The following CHST9 variants were observed in gnomAD, a reference collection of about 807,000 sequenced individuals.
The protein encoded by CHST9 is carbohydrate sulfotransferase 9.
A neutral mutation model predicts 44.4 loss-of-function variants in CHST9; 41 were observed. That is an observed-to-expected ratio of 0.92 (90% CI 0.72 to 1.20). CHST9 has a LOEUF of 1.20. Ranked by LOEUF, CHST9 falls within the 50% of genes most tolerant of loss-of-function variation. CHST9 has a pLI of 0.00. For synonymous variants in CHST9, 171 were observed against 178.4 expected (o/e 0.96, Z 0.33); for missense variants, 504 against 516.5 (o/e 0.98, Z 0.23).
intron 2 of CHST9, among the ~76,000 whole-genome samples, chr18:27,117,075 T>C (rs936614197): frequency 2.0e-5 from 3 of 151,894 alleles, no homozygotes; most frequent in African/African-American, 7.2e-5. Context: ...ATACGTTTCA[T>C]ATGAAATTTT....
intron 5 of CHST9, chr18:26,924,754 T>C (rs1160422435): frequency 1.3e-5 from 2 of 154,260 alleles, no homozygotes; most frequent in Non-Finnish European, 2.9e-5. Flanking sequence ...TAAATCTTGA[T>C]TCCAGGGCTT....
intron 4 of CHST9, among the ~76,000 whole-genome samples, chr18:27,010,802 G>A (rs1367368788): frequency 6.6e-6 from 1 of 152,156 alleles, no homozygotes; most frequent in Admixed American, 6.5e-5. Flanking sequence ...TCCTGATCGG[G>A]ACTGTTTCTA....
At chr18:26,979,724 C>T (rs921113644) in intron 4 of CHST9, among the ~76,000 whole-genome samples, 1 of 152,140 alleles carries the variant, frequency 6.6e-6, no homozygotes, top group Non-Finnish European at 1.5e-5. Flanking sequence ...CAGATCAGTG[C>T]TTGGCATAAA....
intron 5 of CHST9, among the ~76,000 whole-genome samples, chr18:26,939,776 G>A (rs1007343022): frequency 3.9e-5 from 6 of 152,128 alleles, no homozygotes; most frequent in African/African-American, 1.4e-4. Context: ...GGGGACTCGT[G>A]GGCAGGGCCT....
chr18:27,137,844 G>C (rs1012972019), intron 2 of CHST9, among the ~76,000 whole-genome samples: 5 of 152,100 alleles, frequency 3.3e-5, no homozygotes, highest in Admixed American at 6.5e-5. Flanking sequence ...ATTCTAACTA[G>C]ACAAATAGTG....
chr18:27,092,000 G>A (rs2058073718), intron 2 of CHST9, among the ~76,000 whole-genome samples: 1 of 152,104 alleles, frequency 6.6e-6, no homozygotes, highest in Admixed American at 6.5e-5. Context: ...TCTATTGATT[G>A]GAATAGTTTC....
At chr18:27,031,484 G>A (rs1158379256) in intron 3 of CHST9, among the ~76,000 whole-genome samples, 1 of 152,208 alleles carries the variant, frequency 6.6e-6, no homozygotes, top group East Asian at 1.9e-4. Flanking sequence ...CAGCGCTGCA[G>A]CATTCTGGCC....
In CHST9 at chr18:26,912,231, C is replaced by T. The variant is rs1209227443; in HGVS notation, c.*4028G>A. On this transcript the variant is annotated 3_prime_UTR_variant, in exon 6 of 6. Transcript: ENST00000618847. ...AGGGACTATTTTTTCTTCTTAAAAA[C>T]ATTGTTTCCATGATTAACTAAGGAT... 1 of 152,086 alleles carries T rather than the reference C, an allele frequency of 6.6e-6. No homozygotes were observed. Among genetic ancestry groups the T allele is most frequent in the South Asian group, 2.1e-4 (1 of 4,822 alleles). 9.4% of individuals were successfully genotyped at this position (152,086 alleles called of 1,614,324 possible).
At chr18:26,993,418 T>G (rs1319169110) in intron 4 of CHST9, among the ~76,000 whole-genome samples, 1 of 152,238 alleles carries the variant, frequency 6.6e-6, no homozygotes, top group Non-Finnish European at 1.5e-5. Flanking sequence ...TAAACTAATG[T>G]TGATGACTGT....
chr18:27,106,553 C>T (rs904750605), intron 2 of CHST9, among the ~76,000 whole-genome samples: 1 of 152,248 alleles, frequency 6.6e-6, no homozygotes, highest in Middle Eastern at 3.4e-3. Flanking sequence ...CTAAAGCTTT[C>T]CCCCTTCTAG....
At chr18:26,974,938 G>A (rs894490797) in intron 4 of CHST9, among the ~76,000 whole-genome samples, 1 of 152,196 alleles carries the variant, frequency 6.6e-6, no homozygotes, top group African/African-American at 2.4e-5. Context: ...GACTTCCAAA[G>A]TGTTGGGATT....
chr18:26,940,766 T>C (rs1212071702), intron 5 of CHST9, among the ~76,000 whole-genome samples: 8 of 152,168 alleles, frequency 5.3e-5, no homozygotes, highest in Non-Finnish European at 7.3e-5. Context: ...TATGTTGAAG[T>C]CCTAACTCCT....
intron 1 of CHST9, among the ~76,000 whole-genome samples, chr18:27,144,788 C>G (rs2058598070): frequency 6.6e-6 from 1 of 152,152 alleles, no homozygotes; most frequent in Admixed American, 6.5e-5. Flanking sequence ...AATTCCTCAT[C>G]TCTTAAAGGA....
chr18:27,167,526 CTGA>C (rs1174630675), intron 1 of CHST9, among the ~76,000 whole-genome samples: 3 of 152,202 alleles, frequency 2.0e-5, no homozygotes, highest in Admixed American at 1.3e-4. Context: ...CTAGCATACT[CTGA>C]TGATAACAGC....
chr18:27,084,421 A>C (rs546838933), intron 2 of CHST9, among the ~76,000 whole-genome samples: 1 of 146,838 alleles, frequency 6.8e-6, no homozygotes, highest in Non-Finnish European at 1.5e-5. Flanking sequence ...TAGGTTTTCT[A>C]GTTTGAGCTC....
chr18:27,169,282 C>T (rs2058815103), intron 1 of CHST9, among the ~76,000 whole-genome samples: 1 of 152,224 alleles, frequency 6.6e-6, no homozygotes, highest in Admixed American at 6.5e-5. Context: ...AGGCTGAATA[C>T]ATAAATTTAG....
At chr18:26,963,060 T>C (rs778672513) in intron 4 of CHST9, among the ~76,000 whole-genome samples, 3 of 152,200 alleles carry the variant, frequency 2.0e-5, no homozygotes, top group Non-Finnish European at 4.4e-5. Flanking sequence ...TTCACCCATT[T>C]AGTCATTCGT....
chr18:27,181,374 T>C (rs888705051), intron 1 of CHST9, among the ~76,000 whole-genome samples: 9 of 152,226 alleles, frequency 5.9e-5, no homozygotes, highest in African/African-American at 2.2e-4. Context: ...GCAGTCTTGC[T>C]GAACTTCAAC....
intron 2 of CHST9, among the ~76,000 whole-genome samples, chr18:27,096,629 G>T (rs546968329): frequency 7.9e-5 from 12 of 151,876 alleles, no homozygotes; most frequent in African/African-American, 2.7e-4. Context: ...AAATACAAAA[G>T]ATCCGTAGAG....
Sources: gnomAD v4.1 joint callset for allele counts (sites outside exome capture counted in the v4.1 genomes callset) on GRCh38, gnomAD v4.1.1 for gene constraint, MANE v1.5 for transcripts, NCBI Gene and HGNC (gene_info 2026-07-23, HGNC 2026-07-21) for gene names.